Variants in TENM3 observed in about 807,000 individuals in gnomAD.
The protein encoded by TENM3 is teneurin-3.
In TENM3, 63 loss-of-function variants were observed where a neutral mutation model predicts 255.1. That is an observed-to-expected ratio of 0.25 (90% CI 0.20 to 0.30). TENM3 has a LOEUF of 0.30. Among genes scored for constraint, TENM3 ranks in the 10% least tolerant of loss-of-function variants. The pLI, the probability that TENM3 is intolerant of heterozygous loss-of-function variation, is 1.00. For missense variants in TENM3, 2,929 were observed against 3,461.1 expected (o/e 0.85, Z 3.86); for synonymous variants, 1,306 against 1,322.3 (o/e 0.99, Z 0.27).
chr4:182,550,297 A>G (rs1247240425), intron 3 of TENM3, among the ~76,000 whole-genome samples: 1 of 152,254 alleles, frequency 6.6e-6, no homozygotes, highest in Admixed American at 6.5e-5. Context: ...TGATTCACAA[A>G]ATAAATGAAA....
chr4:182,314,712 A>G (rs915725546), intron 1 of TENM3, among the ~76,000 whole-genome samples: 12 of 152,248 alleles, frequency 7.9e-5, no homozygotes, highest in Non-Finnish European at 1.6e-4. Context: ...TTTAAAAATT[A>G]TCCAATCTGA....
At chr4:182,046,389 C>A in the TENM3 span, among the ~76,000 whole-genome samples, 1 of 151,962 alleles carries the variant, frequency 6.6e-6, no homozygotes, top group Non-Finnish European at 1.5e-5. Context: ...ACTAAGGTAT[C>A]TGTAAACTAA....
At chr4:181,775,751 C>T in the TENM3 span, among the ~76,000 whole-genome samples, 1 of 152,060 alleles carries the variant, frequency 6.6e-6, no homozygotes, top group African/African-American at 2.4e-5. Context: ...ACATTTCCTC[C>T]ATGTTGTCAC....
At chr4:181,656,344 A>G in the TENM3 span, among the ~76,000 whole-genome samples, 2 of 152,204 alleles carry the variant, frequency 1.3e-5, no homozygotes, top group East Asian at 1.9e-4. Flanking sequence ...CTCCTGAAAT[A>G]ACTACATAGA....
At chr4:181,928,293 G>C in the TENM3 span, among the ~76,000 whole-genome samples, 2 of 152,022 alleles carry the variant, frequency 1.3e-5, no homozygotes, top group African/African-American at 4.8e-5. Context: ...AAGAAGATTA[G>C]ATGAAATGTT....
the TENM3 span, among the ~76,000 whole-genome samples, chr4:181,498,860 A>G: frequency 6.6e-6 from 1 of 152,222 alleles, no homozygotes; most frequent in South Asian, 2.1e-4. Context: ...GTAAGGCGTT[A>G]ACTAGGAGAA....
chr4:182,633,195 G>A (rs894520678), intron 5 of TENM3, among the ~76,000 whole-genome samples: 3 of 152,142 alleles, frequency 2.0e-5, no homozygotes, highest in Non-Finnish European at 4.4e-5. Flanking sequence ...GCCTCCCAAA[G>A]TGCTGAGATG....
the TENM3 span, among the ~76,000 whole-genome samples, chr4:181,482,795 A>G: frequency 6.6e-6 from 1 of 152,058 alleles, no homozygotes; most frequent in Non-Finnish European, 1.5e-5. Context: ...ATGATTTACC[A>G]TTCTTCAATT....
At chr4:181,897,385 A>C in the TENM3 span, among the ~76,000 whole-genome samples, 4 of 152,228 alleles carry the variant, frequency 2.6e-5, no homozygotes, top group Non-Finnish European at 4.4e-5. Flanking sequence ...AGTCAAAAGA[A>C]GAGCTCCTCC....
intron 3 of TENM3, among the ~76,000 whole-genome samples, chr4:182,497,607 G>A (rs1287076367): frequency 6.6e-6 from 1 of 151,910 alleles, no homozygotes; most frequent in Non-Finnish European, 1.5e-5. Context: ...AGTGAGCTTT[G>A]GATGAAACTA....
chr4:181,940,211 A>G, the TENM3 span, among the ~76,000 whole-genome samples: 1 of 152,220 alleles, frequency 6.6e-6, no homozygotes, highest in Non-Finnish European at 1.5e-5. Context: ...GTCCCTTTAG[A>G]ATATAAAATA....
chr4:182,794,189 C>T (rs1037951820), intron 26 of TENM3, among the ~76,000 whole-genome samples: 1 of 152,114 alleles, frequency 6.6e-6, no homozygotes, highest in South Asian at 2.1e-4. Context: ...CACAGAGTCC[C>T]AAAATTGGAG....
At chr4:181,845,066 G>A in the TENM3 span, among the ~76,000 whole-genome samples, 1 of 152,052 alleles carries the variant, frequency 6.6e-6, no homozygotes, top group African/African-American at 2.4e-5. Flanking sequence ...AAGTATTGGG[G>A]ATCAATAAGT....
At chr4:182,727,137 A>C (rs1484561686) in intron 13 of TENM3, among the ~76,000 whole-genome samples, 1 of 152,134 alleles carries the variant, frequency 6.6e-6, no homozygotes, top group African/African-American at 2.4e-5. Context: ...CTATACCAAT[A>C]AATGTAATTA....
intron 3 of TENM3, among the ~76,000 whole-genome samples, chr4:182,367,455 T>C (rs1766506943): frequency 6.6e-6 from 1 of 152,174 alleles, no homozygotes; most frequent in Non-Finnish European, 1.5e-5. Flanking sequence ...GAATGGACTA[T>C]ATTACGATGA....
At chr4:181,712,251 C>A in the TENM3 span, among the ~76,000 whole-genome samples, 2 of 152,046 alleles carry the variant, frequency 1.3e-5, no homozygotes, top group Non-Finnish European at 2.9e-5. Flanking sequence ...GAACTATAAT[C>A]CCTGATGTTG....
rs1327691571 is a variant in TENM3 at position 182,800,332 on chromosome 4, G to A, written c.8081G>A (p.Ser2694Asn). 1.0e-5 allele frequency: 16 copies of A among 1,587,156 alleles called. No homozygotes were observed. Among genetic ancestry groups the A allele is most frequent in the Non-Finnish European group, 1.3e-5 (15 of 1,175,162 alleles). Residue 2694 changes from serine (S) to asparagine (N), a missense_variant, in exon 28 of 28, where the codon AGC (serine) becomes AAC (asparagine). This residue lies in a region of TENM3 where 476 missense variants were observed against 480.1 expected (regional missense o/e 0.99). Transcript: ENST00000511685. ...AACAACATCCAGTTCCTGCGGCAGA[G>A]CGAGATCGGCAGGAGGTAACGCCCG... ...SANNIQFLRQ[S>N]EIGRR
the TENM3 span, among the ~76,000 whole-genome samples, chr4:181,503,256 CTCAGGAG>C: frequency 6.6e-6 from 1 of 152,134 alleles, no homozygotes; most frequent in South Asian, 2.1e-4. Flanking sequence ...ATCCCATCTA[CTCAGGAG>C]GCTGAGGTGG....
rs576598244 is a variant in TENM3 at position 182,681,300 on chromosome 4, C to G, written c.1835-514C>G. ...CACACACAAAGTAATGCAATTAAGT[C>G]TCTGGAATTAAATTTTCAGGCCATT... On this transcript the variant is annotated intron_variant, in intron 10 of 27. Coordinates refer to ENST00000511685, the MANE Select transcript of TENM3 (RefSeq NM_001080477.4). Among the ~76,000 whole-genome samples, 4 of 152,262 alleles carry G rather than the reference C, an allele frequency of 2.6e-5. No homozygotes were observed. The South Asian group carries it at 8.3e-4, about 32-fold the overall frequency.
Sources: allele counts gnomAD v4.1 joint callset (sites outside exome capture counted in the v4.1 genomes callset), GRCh38; gene constraint gnomAD v4.1.1; regional missense constraint gnomAD v4.1.1; transcripts MANE v1.5; gene names NCBI Gene and HGNC (gene_info 2026-07-23, HGNC 2026-07-21).